Variants in BRD2 observed in about 807,000 individuals in gnomAD.
BRD2 encodes the protein bromodomain containing 2, also known as bromodomain-containing protein 2.
Under a neutral mutation model 79.1 loss-of-function variants are expected in BRD2, and 15 were observed. The observed-to-expected ratio is 0.19, with a 90% CI of 0.13 to 0.29. BRD2 has a LOEUF of 0.29. Among genes scored for constraint, BRD2 ranks in the 10% least tolerant of loss-of-function variants. The probability of loss-of-function intolerance (pLI) is 1.00; values close to 1 mark genes in which losing one functional copy is unlikely to be tolerated. For missense variants in BRD2, 1,053 were observed against 991.3 expected, an observed-to-expected ratio of 1.06 and a Z score of -0.84; for synonymous variants, 488 against 358.6, an observed-to-expected ratio of 1.36 and a Z score of -4.08.
Position 32,979,847 on chromosome 6 carries a change from AAGAC to A in BRD2, c.1864_1867del (p.Thr622ProfsTer20), listed in dbSNP as rs1440156337. 1 of 1,612,256 alleles carries A rather than the reference AAGAC, an allele frequency of 6.2e-7. No homozygotes were observed. The highest frequency in any genetic ancestry group is 8.5e-7 in the Non-Finnish European group (1 of 1,179,460). ...CCTTAGGCTCCCCAAAAAGGCCACA[AAGAC>A]AGCCCCACCTGCCCTGCCTACAGGT... On this transcript the variant is annotated frameshift_variant, in exon 11 of 13. Transcript: ENST00000374825. LOFTEE classifies it high-confidence loss of function.
rs1778975798 is a variant in BRD2 at position 32,977,879 on chromosome 6, AAGT to A, written c.1455_1457del (p.Ser487del). On this transcript the variant is annotated inframe_deletion, in exon 9 of 13. Coordinates refer to ENST00000374825, the MANE Select transcript of BRD2 (RefSeq NM_005104.4). ...CGTCTTCAGAGTCCTCCAGTGAGGAAAGTAGCAGTGAGAGCTCCTCTGAGGAAG... is the reference window on the plus strand; with the variant it reads ...CGTCTTCAGAGTCCTCCAGTGAGGAAAGCAGTGAGAGCTCCTCTGAGGAAG... 4 of 1,613,112 alleles carry A rather than the reference AAGT, an allele frequency of 2.5e-6. No individual in the cohort carries two copies. In the African/African-American group the frequency reaches 4.0e-5, roughly 16 times the overall value.
chr6:32,975,283 GGGGTGTGTGTGT>G (rs1386562194), intron 3 of BRD2, 89 bp from the exon 4 acceptor site: 23 of 938,330 alleles, frequency 2.5e-5, no homozygotes, highest in Middle Eastern at 3.3e-4. Context: ...ATGCATAGGG[GGGGTGTGTGTGT>G]GTGTGTGTGT....
Position 32,976,971 on chromosome 6 carries a change from C to T in BRD2, c.1200+35C>T, listed in dbSNP as rs750327793. On this transcript the variant is annotated intron_variant, in intron 7 of 12. Transcript: ENST00000374825. Reference sequence around the variant, plus strand: ...GCATGGGGCAGATGGGATGCTCAGGCAGTGATGGGAGCCTAGGTGCAAAAC... The same window carrying T: ...GCATGGGGCAGATGGGATGCTCAGGTAGTGATGGGAGCCTAGGTGCAAAAC... 7.0e-6 allele frequency: 11 copies of T among 1,571,116 alleles called. No individual in the cohort carries two copies. The Admixed American group carries it at 1.6e-4, about 23-fold the overall frequency.
rs113764360 is a variant in BRD2, at chr6:32,977,124, TG to T, written c.1200+192del. 1.1e-3 allele frequency: 1,327 copies of T among 1,224,070 alleles called. 12 individuals carry two copies. The African/African-American group carries it at 0.016, about 15-fold the overall frequency. The allele number at this position is 1,224,070 out of a possible 1,614,324, so 75.8% of individuals were successfully genotyped here. A position where few individuals can be genotyped will look rare whatever the true frequency, so the allele number is the denominator to read the frequency against. On this transcript the variant is annotated intron_variant, in intron 7 of 12. Coordinates refer to ENST00000374825, the MANE Select transcript of BRD2 (RefSeq NM_005104.4). ...TTTCTTGGAGTTTGAAACAGTAGGG[TG>T]GGGTTTCTTTGTCTTGAGAAAAATA...
Position 32,976,691 on chromosome 6 carries a change from G to T in BRD2, c.955G>T (p.Glu319Ter). 6.2e-7 allele frequency: 1 copy of T among 1,612,498 alleles called. No individual in the cohort carries two copies. The highest frequency in any genetic ancestry group is 8.5e-7 in the Non-Finnish European group (1 of 1,179,784). ...AGCACGGCTTCCCCCTATGCGTAGA[G>T]AGAGTGGTCGCCCCATCAAGCCCCC... is the stretch of plus-strand genomic sequence containing the variant. Reference protein sequence around the residue: ...KAARLPPMRRESGRPIKPPRK... With the variant: ...KAARLPPMRR The change falls in exon 7 of 13, where the codon GAG becomes TAG. Residue 319 changes from glutamate to a stop codon, truncating the protein, a stop_gained. Transcript: ENST00000374825. LOFTEE classifies it high-confidence loss of function.
At position 32,976,463 on chromosome 6, in the gene BRD2, A is replaced by G; in HGVS notation, c.824A>G (p.Lys275Arg). The change falls in exon 6 of 13, where the codon AAG (lysine) becomes AGG (arginine). Residue 275 changes from lysine to arginine, a missense_variant and splice_region_variant. Lys to Arg is a conservative substitution (Grantham distance 26, BLOSUM62 2). Coordinates refer to ENST00000374825, the MANE Select transcript of BRD2 (RefSeq NM_005104.4). ...GCTCCTCCAGCCCAGCCCCTTGCCA[A>G]GGTATGATCTGTGGATTTCCTCTGG... is the stretch of plus-strand genomic sequence containing the variant. ...TAAPPAQPLA[K>R]KKGVKRKADT... 4.4e-6 allele frequency: 7 copies of G among 1,608,396 alleles called. No individual in the cohort carries two copies. The highest frequency in any genetic ancestry group is 5.1e-6 in the Non-Finnish European group (6 of 1,179,800).
At chr6:32,970,446 G>C (rs995048573) in intron 1 of BRD2, 6 of 152,868 alleles carry the variant, frequency 3.9e-5, no homozygotes, top group Admixed American at 3.9e-4. Context: ...TGGAGTTGAA[G>C]GGCTACTGCA....
At chr6:32,975,307 T>TGA (rs1554143976) in intron 3 of BRD2, 77 bp from the exon 4 acceptor site, 159 of 1,152,550 alleles carry the variant, frequency 1.4e-4, no homozygotes, top group African/African-American at 6.7e-4. Context: ...TGTGTGTGTG[T>TGA]GTGAGAGTCG....
At position 32,980,912 on chromosome 6, in the gene BRD2, A is replaced by G. The variant is rs1386264578; in HGVS notation, c.*194A>G. 6.2e-6 allele frequency: 4 copies of G among 646,506 alleles called. No individual in the cohort carries two copies. The highest frequency in any genetic ancestry group is 3.0e-5 in the Admixed American group (1 of 33,708). 40.0% of individuals were successfully genotyped at this position (646,506 alleles called of 1,614,324 possible). A position where few individuals can be genotyped will look rare whatever the true frequency, so the allele number is the denominator to read the frequency against. ...GAAGGAGGGACATGGACAAAACAACATTGAATTCCCAGCCCCATTGGGGAG... is the reference window on the plus strand; with the variant it reads ...GAAGGAGGGACATGGACAAAACAACGTTGAATTCCCAGCCCCATTGGGGAG... On this transcript the variant is annotated 3_prime_UTR_variant, in exon 13 of 13. Coordinates refer to ENST00000374825, the MANE Select transcript of BRD2 (RefSeq NM_005104.4).
chr6:32,980,548 T>A (rs764084782), intron 12 of BRD2, 34 bp from the exon 13 acceptor site: 4 of 1,612,862 alleles, frequency 2.5e-6, no homozygotes, highest in Non-Finnish European at 1.7e-6. Flanking sequence ...AGATTCAGAC[T>A]TGAACGTCTT....
intron 3 of BRD2, 71 bp from the exon 4 acceptor site, chr6:32,975,313 A>G (rs1051988252): frequency 1.1e-4 from 130 of 1,234,224 alleles, no homozygotes; most frequent in Non-Finnish European, 1.3e-4. Flanking sequence ...TGTGTGTGAG[A>G]GTCGGGGATC....
In BRD2 at chr6:32,972,703, C is replaced by T; in HGVS notation, c.-196C>T. On this transcript the variant is annotated 5_prime_UTR_variant, in exon 2 of 13. Coordinates refer to ENST00000374825, the MANE Select transcript of BRD2 (RefSeq NM_005104.4). Reference sequence around the variant, plus strand: ...GCTGTCCGCCGTCTGCAGAGCGCGCCAAGCTGCCCGGAGCTCTCCGAGAGG... The same window carrying T: ...GCTGTCCGCCGTCTGCAGAGCGCGCTAAGCTGCCCGGAGCTCTCCGAGAGG... 2.6e-6 allele frequency: 2 copies of T among 761,588 alleles called. No individual in the cohort carries two copies. Among genetic ancestry groups the T allele is most frequent in the Non-Finnish European group, 2.1e-6 (1 of 478,212 alleles). The allele number at this position is 761,588 out of a possible 1,614,324, so 47.2% of individuals were successfully genotyped here.
At chr6:32,975,640 G>A in intron 4 of BRD2, 119 bp downstream of exon 4, 1 of 1,298,514 alleles carries the variant, frequency 7.7e-7, no homozygotes. Flanking sequence ...ATCCAGGTAG[G>A]GTAGTCGGAG....
In BRD2 at chr6:32,972,536, G is replaced by A. The variant is rs898452477; in HGVS notation, c.-363G>A. 16 of 373,596 alleles carry A rather than the reference G, an allele frequency of 4.3e-5. No individual in the cohort carries two copies. Among genetic ancestry groups the A allele is most frequent in the Non-Finnish European group, 7.4e-5 (15 of 203,900 alleles). The allele number at this position is 373,596 out of a possible 1,614,324, so 23.1% of individuals were successfully genotyped here. A position where few individuals can be genotyped will look rare whatever the true frequency, so the allele number is the denominator to read the frequency against. On this transcript the variant is annotated 5_prime_UTR_variant, in exon 2 of 13. Coordinates refer to ENST00000374825, the MANE Select transcript of BRD2 (RefSeq NM_005104.4). ...ATCGAAACGGGACCTCGTCGGCCCC[G>A]TAGGGGCCCGACAAGAAGAGGGAAT...
intron 7 of BRD2, chr6:32,977,210 A>G (rs3129307): frequency 0.91 from 1,372,733 of 1,507,530 alleles, 626,224 homozygotes; most frequent in Middle Eastern, 0.99. Context: ...AGGGTGGAAA[A>G]ACAGGCATAG....
Position 32,976,829 on chromosome 6 carries a change from C to A in BRD2, c.1093C>A (p.His365Asn). The change falls in exon 7 of 13, where the codon CAT becomes AAT. Residue 365 changes from histidine to asparagine, a missense_variant. Coordinates refer to ENST00000374825, the MANE Select transcript of BRD2 (RefSeq NM_005104.4). Reference protein sequence around the residue: ...GILKELLSKKHAAYAWPFYKP... With the variant: ...GILKELLSKKNAAYAWPFYKP... ...TTTGAAGGAGTTACTCTCTAAGAAG[C>A]ATGCTGCCTATGCTTGGCCTTTCTA... 6.2e-7 allele frequency: 1 copy of A among 1,613,212 alleles called. No individual in the cohort carries two copies. Among genetic ancestry groups the A allele is most frequent in the Non-Finnish European group, 8.5e-7 (1 of 1,180,046 alleles).
chr6:32,977,412 T>C (rs1472172534), intron 7 of BRD2, 30 bp from the exon 8 acceptor site: 8 of 1,613,526 alleles, frequency 5.0e-6, no homozygotes, highest in Non-Finnish European at 5.1e-6. Context: ...TTCCTGCCTG[T>C]GCAGCTTCTG....
chr6:32,976,997 A>C, intron 7 of BRD2, 61 bp downstream of exon 7: 1 of 1,537,092 alleles, frequency 6.5e-7, no homozygotes, highest in Non-Finnish European at 8.7e-7. Flanking sequence ...GGTGCAAAAC[A>C]ATAAGTCTCC....
At chr6:32,973,228 G>T in intron 2 of BRD2, 1 of 1,397,268 alleles carries the variant, frequency 7.2e-7, no homozygotes, top group South Asian at 1.3e-5. Flanking sequence ...TGAACAGCAG[G>T]TTTGGCGTTT....
Sources: allele counts gnomAD v4.1 joint callset, GRCh38; gene constraint gnomAD v4.1.1; transcripts MANE v1.5; gene names NCBI Gene and HGNC (gene_info 2026-07-23, HGNC 2026-07-21).